The following PACRG variants were observed in gnomAD, a reference collection of about 807,000 sequenced individuals.
PACRG encodes parkin coregulated.
PACRG carries 29 observed loss-of-function variants against 29.7 expected under a neutral mutation model. The observed-to-expected ratio is 0.98, with a 90% confidence interval of 0.73 to 1.33. The LOEUF is 1.33. Among genes scored for constraint, PACRG ranks in the 40% most tolerant of loss-of-function variants. The probability of loss-of-function intolerance (pLI) is 0.00; values close to 1 mark genes in which losing one functional copy is unlikely to be tolerated. For synonymous variants in PACRG, 116 were observed against 118.7 expected (o/e 0.98, Z 0.15); for missense variants, 279 against 316.2 (o/e 0.88, Z 0.89).
intron 4 of PACRG, among the ~76,000 whole-genome samples, chr6:163,156,124 GTC>G (rs1200329745): frequency 1.3e-5 from 2 of 152,240 alleles, no homozygotes; most frequent in East Asian, 3.9e-4. Flanking sequence ...AGCTGCCGCA[GTC>G]TCCTCTGGCT....
chr6:163,179,233 G>T (rs1303668424), intron 4 of PACRG: 2 of 455,888 alleles, frequency 4.4e-6, no homozygotes, highest in Admixed American at 2.3e-5. Context: ...TCCTCCGTAG[G>T]TTCTCCTGCC....
intron 4 of PACRG, among the ~76,000 whole-genome samples, chr6:163,091,246 G>A (rs1226248882): frequency 3.3e-5 from 5 of 152,136 alleles, no homozygotes; most frequent in Non-Finnish European, 5.9e-5. Flanking sequence ...TATTGCTGCC[G>A]CAAAGACAGA....
At chr6:162,884,777 G>T (rs913018893) in intron 2 of PACRG, among the ~76,000 whole-genome samples, 1 of 152,122 alleles carries the variant, frequency 6.6e-6, no homozygotes, top group Non-Finnish European at 1.5e-5. Flanking sequence ...TGGCATTTAT[G>T]TGTATTTTCC....
At chr6:163,255,014 C>T (rs1327619367) in intron 4 of PACRG, among the ~76,000 whole-genome samples, 4 of 152,212 alleles carry the variant, frequency 2.6e-5, no homozygotes, top group African/African-American at 4.8e-5. Context: ...CCGAGGCTCA[C>T]GCAGCACATG....
intron 2 of PACRG, among the ~76,000 whole-genome samples, chr6:162,928,175 A>G (rs910771608): frequency 3.3e-5 from 5 of 151,990 alleles, no homozygotes; most frequent in African/African-American, 1.2e-4. Flanking sequence ...ACTTTTTATT[A>G]TGGCTTCAAC....
At chr6:162,835,727 C>T (rs1326441492) in intron 2 of PACRG, among the ~76,000 whole-genome samples, 1 of 152,002 alleles carries the variant, frequency 6.6e-6, no homozygotes, top group African/African-American at 2.4e-5. Context: ...TTTTAATTAC[C>T]TGCCGTCATC....
intron 2 of PACRG, among the ~76,000 whole-genome samples, chr6:162,999,787 C>T (rs911420442): frequency 3.3e-5 from 5 of 152,142 alleles, no homozygotes; most frequent in African/African-American, 7.2e-5. Flanking sequence ...TCAAAATTTC[C>T]GAGTGAAATA....
intron 2 of PACRG, among the ~76,000 whole-genome samples, chr6:162,841,075 GC>G (rs1318722136): frequency 4.4e-5 from 6 of 135,348 alleles, no homozygotes; most frequent in African/African-American, 1.8e-4. Context: ...TTGTGTCTCT[GC>G]CCGGCTTTGG....
chr6:163,039,389 G>C (rs1364520015), intron 2 of PACRG, among the ~76,000 whole-genome samples: 1 of 152,172 alleles, frequency 6.6e-6, no homozygotes, highest in African/African-American at 2.4e-5. Context: ...CAGCAGAGTG[G>C]GGTACTGCTA....
rs958681020 is a variant in PACRG at position 163,024,746 on chromosome 6, T to C, written c.292-37404T>C. ...TTTGTGCCACCTCAGCAGTGTCTTATAGTTCTCCTTGTAGAGATCTTTCAC... is the reference window on the plus strand; with the variant it reads ...TTTGTGCCACCTCAGCAGTGTCTTACAGTTCTCCTTGTAGAGATCTTTCAC... On this transcript the variant is annotated intron_variant, in intron 2 of 4. Transcript: ENST00000366888. Among the ~76,000 whole-genome samples the C allele has an allele frequency of 2.6e-5, 4 of 152,164 alleles. 1 individual carries two copies. Among genetic ancestry groups the C allele is most frequent in the Admixed American group, 2.6e-4 (4 of 15,274 alleles).
At chr6:163,086,742 C>T (rs978851775) in intron 3 of PACRG, among the ~76,000 whole-genome samples, 3 of 152,046 alleles carry the variant, frequency 2.0e-5, no homozygotes, top group Non-Finnish European at 2.9e-5. Context: ...ACAGAGGATT[C>T]GGTTTAGTTC....
intron 4 of PACRG, among the ~76,000 whole-genome samples, chr6:163,155,960 A>G (rs1355398662): frequency 1.3e-5 from 2 of 152,084 alleles, no homozygotes; most frequent in East Asian, 3.9e-4. Flanking sequence ...CTCCAAATTC[A>G]TCCTTCAGGA....
intron 1 of PACRG, among the ~76,000 whole-genome samples, chr6:162,778,907 C>A (rs948931662): frequency 1.3e-5 from 2 of 152,106 alleles, no homozygotes; most frequent in African/African-American, 4.8e-5. Context: ...GGGGTACATG[C>A]GCAGGATGTG....
At position 163,287,538 on chromosome 6, in the gene PACRG, C is replaced by T. The variant is rs548814649; in HGVS notation, c.614-27289C>T. Among the ~76,000 whole-genome samples the T allele has an allele frequency of 2.0e-5, 3 of 152,312 alleles. No homozygotes were observed. In the South Asian group the frequency reaches 6.2e-4, roughly 32 times the overall value. Reference sequence around the variant, plus strand: ...GTCACACCTGAGCCAGCTCTGGGGACACTTCGAGGCTCTGCATTTCTTACA... The same window carrying T: ...GTCACACCTGAGCCAGCTCTGGGGATACTTCGAGGCTCTGCATTTCTTACA... On this transcript the variant is annotated intron_variant, in intron 4 of 4. Coordinates refer to ENST00000366888, the MANE Select transcript of PACRG (RefSeq NM_001080379.2).
intron 4 of PACRG, among the ~76,000 whole-genome samples, chr6:163,174,997 A>G (rs1194068511): frequency 6.6e-6 from 1 of 152,246 alleles, no homozygotes; most frequent in Non-Finnish European, 1.5e-5. Context: ...AATATCAACC[A>G]GGTGGACTTT....
chr6:162,731,302 G>A (rs959854203), intron 1 of PACRG, among the ~76,000 whole-genome samples: 1 of 152,028 alleles, frequency 6.6e-6, no homozygotes, highest in African/African-American at 2.4e-5. Flanking sequence ...GATATAGTCA[G>A]CTCTTTGTAC....
intron 1 of PACRG, among the ~76,000 whole-genome samples, chr6:162,773,493 CATTTTTTTTTTT>C (rs1451258699): frequency 8.5e-5 from 7 of 82,728 alleles, no homozygotes; most frequent in African/African-American, 3.3e-4. Flanking sequence ...TACAGCTTGT[CATTTTTTTTTTT>C]TTTTTTTTTT....
At chr6:163,231,845 T>G (rs989100703) in intron 4 of PACRG, among the ~76,000 whole-genome samples, 4 of 152,108 alleles carry the variant, frequency 2.6e-5, no homozygotes, top group African/African-American at 9.7e-5. Flanking sequence ...TGGCTGCAGG[T>G]TGGCCATGAT....
At chr6:163,035,823 A>AC (rs1168495142) in intron 2 of PACRG, among the ~76,000 whole-genome samples, 10 of 151,120 alleles carry the variant, frequency 6.6e-5, no homozygotes, top group South Asian at 2.1e-4. Flanking sequence ...AAAAAAAAAA[A>AC]AAAAAAAAAA....
Sources: allele counts gnomAD v4.1 joint callset (sites outside exome capture counted in the v4.1 genomes callset), GRCh38; gene constraint gnomAD v4.1.1; transcripts MANE v1.5; gene names NCBI Gene and HGNC (gene_info 2026-07-23, HGNC 2026-07-21).